The following CSMD1 variants were observed in gnomAD, a reference collection of about 807,000 sequenced individuals.
CSMD1 encodes CUB and Sushi multiple domains 1.
Under a neutral mutation model 417.5 loss-of-function variants are expected in CSMD1, and 213 were observed. The observed-to-expected ratio is 0.51, with a 90% CI of 0.46 to 0.57. The LOEUF is 0.57. Ranked by LOEUF, CSMD1 falls within the 20% of genes least tolerant of loss-of-function variation. CSMD1 has a pLI of 0.00. For missense variants in CSMD1, 6,923 were observed against 4,529.7 expected (o/e 1.53, Z -15.17); for synonymous variants, 2,862 against 1,736.8 (o/e 1.65, Z -16.11).
intron 7 of CSMD1, chr8:3,704,742 T>G (rs1801069922): frequency 6.6e-6 from 1 of 152,208 alleles, no homozygotes; most frequent in Non-Finnish European, 1.5e-5. Flanking sequence ...ACCACTGACC[T>G]TGATCTGTTT....
At chr8:4,630,051 C>A (rs186990198) in intron 2 of CSMD1, among the ~76,000 whole-genome samples, 84 of 152,144 alleles carry the variant, frequency 5.5e-4, no homozygotes, top group Non-Finnish European at 1.0e-3. Context: ...TAAAAAAAGC[C>A]AAGATATGGA....
chr8:3,868,982 A>G (rs922397573), intron 5 of CSMD1, among the ~76,000 whole-genome samples: 1 of 152,216 alleles, frequency 6.6e-6, no homozygotes, highest in Non-Finnish European at 1.5e-5. Context: ...TTCTGCTCAG[A>G]TGATGCCGAT....
At chr8:3,042,372 T>C (rs545953977) in intron 50 of CSMD1, among the ~76,000 whole-genome samples, 5 of 152,140 alleles carry the variant, frequency 3.3e-5, no homozygotes, top group Non-Finnish European at 5.9e-5. Flanking sequence ...GAGAGGTGGA[T>C]ATGTACCTCC....
At chr8:3,504,708 T>C (rs1259650024) in intron 10 of CSMD1, among the ~76,000 whole-genome samples, 1 of 152,190 alleles carries the variant, frequency 6.6e-6, no homozygotes, top group East Asian at 1.9e-4. Flanking sequence ...TTTTATCACC[T>C]GCACCCTTCC....
chr8:4,893,537 TTA>T (rs1302757611), intron 1 of CSMD1, among the ~76,000 whole-genome samples: 10 of 152,274 alleles, frequency 6.6e-5, no homozygotes, highest in Admixed American at 1.3e-4. Context: ...AATAATAATT[TTA>T]TGTTTTCCTC....
chr8:4,087,064 G>T (rs577979410), intron 3 of CSMD1, among the ~76,000 whole-genome samples: 2 of 152,334 alleles, frequency 1.3e-5, no homozygotes, highest in East Asian at 3.9e-4. Context: ...GCTAGCCCAA[G>T]AGAGATGCGT....
chr8:4,666,674 CAA>C (rs1194053299), intron 1 of CSMD1, among the ~76,000 whole-genome samples: 1 of 152,082 alleles, frequency 6.6e-6, no homozygotes, highest in Non-Finnish European at 1.5e-5. Flanking sequence ...TGTAATTAAA[CAA>C]AGTGTCCAAA....
intron 3 of CSMD1, among the ~76,000 whole-genome samples, chr8:4,402,737 A>G (rs1563136530): frequency 6.6e-6 from 1 of 150,782 alleles, no homozygotes; most frequent in African/African-American, 2.4e-5. Context: ...ACCTCATTCA[A>G]CTACCTCTTT....
intron 5 of CSMD1, among the ~76,000 whole-genome samples, chr8:3,809,021 G>A (rs34072618): frequency 6.6e-6 from 1 of 152,102 alleles, no homozygotes; most frequent in Admixed American, 6.6e-5. Flanking sequence ...CAAGGATGCT[G>A]GAAGGCATGA....
chr8:4,049,526 G>C (rs895384479), intron 3 of CSMD1, among the ~76,000 whole-genome samples: 1 of 151,302 alleles, frequency 6.6e-6, no homozygotes, highest in South Asian at 2.1e-4. Context: ...CTACACTTTG[G>C]TCTCTAGGGC....
At chr8:3,853,847 T>C (rs2975374) in intron 5 of CSMD1, among the ~76,000 whole-genome samples, 24,473 of 145,530 alleles carry the variant, frequency 0.17, 2,309 homozygotes, top group East Asian at 0.43. Flanking sequence ...TGTGCACATG[T>C]ACCCTAAAAC....
intron 5 of CSMD1, among the ~76,000 whole-genome samples, chr8:3,976,520 C>G (rs1294130854): frequency 6.6e-6 from 1 of 152,058 alleles, no homozygotes; most frequent in African/African-American, 2.4e-5. Flanking sequence ...GTTGAATAGT[C>G]AAATATAATA....
At chr8:3,782,290 A>G (rs965512226) in intron 5 of CSMD1, among the ~76,000 whole-genome samples, 9 of 152,158 alleles carry the variant, frequency 5.9e-5, no homozygotes, top group Non-Finnish European at 1.5e-5. Flanking sequence ...ACTTGCTTAT[A>G]TATTTCCATG....
chr8:4,041,271 C>T (rs901288213), intron 3 of CSMD1, among the ~76,000 whole-genome samples: 17 of 144,458 alleles, frequency 1.2e-4, no homozygotes, highest in African/African-American at 4.4e-4. Context: ...CCCGCCTCGG[C>T]CTCCCAAAGT....
chr8:4,891,478 G>T (rs1282987613), intron 1 of CSMD1, among the ~76,000 whole-genome samples: 1 of 152,074 alleles, frequency 6.6e-6, no homozygotes, highest in Non-Finnish European at 1.5e-5. Flanking sequence ...TTCTTAATTT[G>T]AAAGGTCTGT....
intron 23 of CSMD1, among the ~76,000 whole-genome samples, chr8:3,324,948 G>A (rs1209284306): frequency 6.6e-6 from 1 of 151,758 alleles, no homozygotes; most frequent in African/African-American, 2.4e-5. Flanking sequence ...TTTCATATCA[G>A]TGTTTTCTGA....
intron 2 of CSMD1, among the ~76,000 whole-genome samples, chr8:4,421,646 T>C (rs1369338599): frequency 3.3e-5 from 5 of 152,008 alleles, no homozygotes; most frequent in African/African-American, 1.2e-4. Flanking sequence ...AATGAAAATA[T>C]AAAATACAAC....
intron 12 of CSMD1, among the ~76,000 whole-genome samples, chr8:3,460,807 C>G (rs867897327): frequency 2.0e-5 from 3 of 152,168 alleles, no homozygotes; most frequent in Non-Finnish European, 4.4e-5. Flanking sequence ...ACAATGATGC[C>G]GCACTCTGGG....
At chr8:4,394,856 A>G (rs545770657) in intron 3 of CSMD1, among the ~76,000 whole-genome samples, 10 of 152,266 alleles carry the variant, frequency 6.6e-5, no homozygotes, top group South Asian at 4.1e-4. Context: ...TCTCTGGGCT[A>G]GAGAGTCCGA....
Sources: gnomAD v4.1 joint callset for allele counts (sites outside exome capture counted in the v4.1 genomes callset) on GRCh38, gnomAD v4.1.1 for gene constraint, MANE v1.5 for transcripts, NCBI Gene and HGNC (gene_info 2026-07-23, HGNC 2026-07-21) for gene names.